Variants in CRYAB observed in about 807,000 individuals in gnomAD.
CRYAB encodes the protein crystallin alpha B, also known as alpha-crystallin B chain.
A neutral mutation model predicts 12.7 loss-of-function variants in CRYAB; 9 were observed. That is an observed-to-expected ratio of 0.71 (90% CI 0.43 to 1.24). The LOEUF (loss-of-function observed/expected upper bound fraction) is 1.24, where lower values mean the gene tolerates loss of function less well. Among genes scored for constraint, CRYAB ranks in the 50% most tolerant of loss-of-function variants. CRYAB has a pLI of 0.00. For missense variants in CRYAB, 183 were observed against 226.6 expected (o/e 0.81, Z 1.24); for synonymous variants, 93 against 86.8 (o/e 1.07, Z -0.40).
intron 1 of CRYAB, chr11:111,919,047 G>T: frequency 6.2e-7 from 1 of 1,612,156 alleles, no homozygotes; most frequent in African/African-American, 1.3e-5. Flanking sequence ...TATCTCTGTT[G>T]GTGGATGTAG....
chr11:111,917,448 C>T (rs1455441099), upstream of CRYAB, among the ~76,000 whole-genome samples: 2 of 151,982 alleles, frequency 1.3e-5, no homozygotes, highest in Non-Finnish European at 2.9e-5. Context: ...ATGTGGGAAC[C>T]AGGCGTGGTG....
At chr11:111,915,001 T>C (rs587681557), upstream of CRYAB, among the ~76,000 whole-genome samples, 10 of 152,074 alleles carry the variant, frequency 6.6e-5, no homozygotes, top group South Asian at 4.2e-4. Flanking sequence ...GCTAGGGAGG[T>C]TGAAGCTGCA....
chr11:111,919,834 C>T (rs923046106), intron 1 of CRYAB, among the ~76,000 whole-genome samples: 1 of 152,214 alleles, frequency 6.6e-6, no homozygotes, highest in Non-Finnish European at 1.5e-5. Flanking sequence ...TCAGAGGCCA[C>T]CTTTTGAACC....
upstream of CRYAB, chr11:111,913,790 G>A (rs1345627905): frequency 1.2e-6 from 2 of 1,614,060 alleles, no homozygotes; most frequent in Admixed American, 1.7e-5. Context: ...AAGCACCTCG[G>A]GGTGGCCGAC....
intron 1 of CRYAB, chr11:111,918,860 C>A (rs1295379036): frequency 1.2e-5 from 15 of 1,263,524 alleles, no homozygotes; most frequent in Admixed American, 1.9e-5. Context: ...AGGTTGAAAT[C>A]TGACACTGAC....
intron 1 of CRYAB, among the ~76,000 whole-genome samples, chr11:111,920,020 C>A (rs1237680932): frequency 6.6e-6 from 1 of 151,692 alleles, no homozygotes; most frequent in Non-Finnish European, 1.5e-5. Context: ...ACGGTGAAAC[C>A]CCATCTCTAC....
chr11:111,912,990 A>G (rs1555165808), upstream of CRYAB: 1 of 1,026,888 alleles, frequency 9.7e-7, no homozygotes, highest in Non-Finnish European at 1.3e-6. Flanking sequence ...TGACCTCCCA[A>G]CGTTGCTGGC....
chr11:111,911,391 T>C (rs1965447925), intron 1 of CRYAB, 133 bp downstream of exon 1: 1 of 850,754 alleles, frequency 1.2e-6, no homozygotes, highest in East Asian at 2.7e-5. Context: ...ACTAGCAACC[T>C]CCTCATTTTT....
At chr11:111,913,959 C>CAT, upstream of CRYAB, 1 of 1,394,150 alleles carries the variant, frequency 7.2e-7, no homozygotes. Context: ...GGCAGCTGCC[C>CAT]ACCACTCCAG....
At chr11:111,920,234 ATAAAT>A (rs1405045334) in intron 1 of CRYAB, among the ~76,000 whole-genome samples, 3 of 151,812 alleles carry the variant, frequency 2.0e-5, no homozygotes, top group Non-Finnish European at 2.9e-5. Context: ...ATAAAATAAA[ATAAAT>A]TAAAGGGCAG....
chr11:111,912,643 C>T (rs926863564), upstream of CRYAB: 3 of 608,280 alleles, frequency 4.9e-6, no homozygotes, highest in Non-Finnish European at 8.8e-6. Flanking sequence ...CTGGTCACAC[C>T]CTCGTTGCTC....
At chr11:111,914,312 T>A (rs1489668614), upstream of CRYAB, among the ~76,000 whole-genome samples, 2 of 151,782 alleles carry the variant, frequency 1.3e-5, no homozygotes, top group Non-Finnish European at 2.9e-5. Flanking sequence ...AAAGAGAGAG[T>A]GATCCTGGGA....
At chr11:111,922,438 C>G (rs587718404) in intron 1 of CRYAB, among the ~76,000 whole-genome samples, 1 of 152,116 alleles carries the variant, frequency 6.6e-6, no homozygotes, top group African/African-American at 2.4e-5. Flanking sequence ...AGGTAATAAT[C>G]ATTCATTGCA....
chr11:111,912,355 C>T (rs1965493307), upstream of CRYAB: 1 of 173,432 alleles, frequency 5.8e-6, no homozygotes, highest in Non-Finnish European at 1.2e-5. Context: ...AAAGAGCAAA[C>T]AGATTTCTTG....
chr11:111,909,486 G>A (rs544815578), intron 2 of CRYAB, among the ~76,000 whole-genome samples: 3 of 152,320 alleles, frequency 2.0e-5, no homozygotes, highest in East Asian at 3.9e-4. Context: ...AAACTGTACT[G>A]GTTGACGCAC....
chr11:111,921,334 G>A (rs1047148321), intron 1 of CRYAB, among the ~76,000 whole-genome samples: 8 of 152,168 alleles, frequency 5.3e-5, no homozygotes, highest in Admixed American at 2.6e-4. Context: ...GCCTTGTTGA[G>A]TAAGAAATAC....
At chr11:111,914,879 C>T (rs146125417), upstream of CRYAB, among the ~76,000 whole-genome samples, 392 of 152,104 alleles carry the variant, frequency 2.6e-3, no homozygotes, top group African/African-American at 8.9e-3. Flanking sequence ...AGTAAGAGAC[C>T]AGCCTGGGCA....
upstream of CRYAB, chr11:111,913,500 C>T (rs782553149): frequency 3.7e-6 from 6 of 1,613,756 alleles, no homozygotes; most frequent in South Asian, 3.3e-5. Context: ...TGTCCGGCCT[C>T]GGGCCGCCCC....
intron 1 of CRYAB, among the ~76,000 whole-genome samples, chr11:111,921,761 T>C (rs1003292118): frequency 6.6e-6 from 1 of 152,250 alleles, no homozygotes; most frequent in Non-Finnish European, 1.5e-5. Context: ...CTAGGAACCA[T>C]GCTAAGTATT....
Sources: gnomAD v4.1 joint callset for allele counts (sites outside exome capture counted in the v4.1 genomes callset) on GRCh38, gnomAD v4.1.1 for gene constraint, MANE v1.5 for transcripts, NCBI Gene and HGNC (gene_info 2026-07-23, HGNC 2026-07-21) for gene names.